EFCAB6: variants seen among roughly 807,000 people sequenced by gnomAD.
EFCAB6 encodes EF-hand calcium-binding domain-containing protein 6.
In EFCAB6, 156 loss-of-function variants were observed where a neutral mutation model predicts 169.8. The observed-to-expected ratio is 0.92, with a 90% confidence interval of 0.81 to 1.05. The LOEUF (loss-of-function observed/expected upper bound fraction) is 1.05. Among genes scored for constraint, EFCAB6 ranks in the 50% least tolerant of loss-of-function variants. The probability of loss-of-function intolerance (pLI) is 0.00; values close to 1 mark genes in which losing one functional copy is unlikely to be tolerated. For synonymous variants in EFCAB6, 698 were observed against 676.4 expected (o/e 1.03, Z -0.50); for missense variants, 1,800 against 1,829.1 (o/e 0.98, Z 0.29).
chr22:43,786,642 A>G (rs1257118603), intron 2 of EFCAB6, among the ~76,000 whole-genome samples: 1 of 152,170 alleles, frequency 6.6e-6, no homozygotes, highest in Non-Finnish European at 1.5e-5. Context: ...TGAACCCAGG[A>G]GGCAGAGTTT....
chr22:43,534,461 CACAAAAAT>C (rs2047268923), intron 30 of EFCAB6, among the ~76,000 whole-genome samples: 1 of 152,052 alleles, frequency 6.6e-6, no homozygotes, highest in African/African-American at 2.4e-5. Flanking sequence ...ATCCCATCTC[CACAAAAAT>C]ACAAAAATTA....
intron 5 of EFCAB6, among the ~76,000 whole-genome samples, chr22:43,760,227 GA>G (rs869188953): frequency 1.0e-4 from 9 of 90,072 alleles, no homozygotes; most frequent in African/African-American, 2.4e-4. Context: ...AAAGAAAAAA[GA>G]AAAAAAAAGA....
At chr22:43,734,334 T>C (rs894824079) in intron 7 of EFCAB6, among the ~76,000 whole-genome samples, 4 of 152,240 alleles carry the variant, frequency 2.6e-5, no homozygotes, top group Non-Finnish European at 5.9e-5. Context: ...CTTTTGATCT[T>C]CTGTGTTTCT....
At chr22:43,535,784 C>T (rs7286735) in intron 29 of EFCAB6, 21,197 of 152,302 alleles carry the variant, frequency 0.14, 1,590 homozygotes, top group Middle Eastern at 0.19. Flanking sequence ...AAGCAGACTG[C>T]AGGCAAACGA....
intron 2 of EFCAB6, among the ~76,000 whole-genome samples, chr22:43,799,329 C>CCACACACACACACACACACACACA (rs112231545): frequency 6.8e-6 from 1 of 146,548 alleles, no homozygotes; most frequent in African/African-American, 2.5e-5. Context: ...GAATCTGTCT[C>CCACACACACACACACACACACACA]CACACACACA....
chr22:43,592,682 A>G (rs1472733588), intron 23 of EFCAB6, among the ~76,000 whole-genome samples: 4 of 152,174 alleles, frequency 2.6e-5, no homozygotes, highest in Non-Finnish European at 5.9e-5. Context: ...AACAAGACAG[A>G]GGCCAGAAGG....
At chr22:43,675,425 T>C (rs2057702556) in intron 13 of EFCAB6, among the ~76,000 whole-genome samples, 1 of 128,096 alleles carries the variant, frequency 7.8e-6, no homozygotes, top group Non-Finnish European at 1.6e-5. Flanking sequence ...TAATATATAA[T>C]ATAATATAGG....
At chr22:43,784,562 T>TATATATGTGTACATATACAC (rs1203881282) in intron 2 of EFCAB6, among the ~76,000 whole-genome samples, 1 of 77,084 alleles carries the variant, frequency 1.3e-5, no homozygotes. Context: ...TATATACACA[T>TATATATGTGTACATATACAC]ATATATGTGT....
chr22:43,722,306 C>T (rs1299670835), intron 8 of EFCAB6, among the ~76,000 whole-genome samples: 1 of 151,908 alleles, frequency 6.6e-6, no homozygotes, highest in Non-Finnish European at 1.5e-5. Context: ...GTGGGCAGAT[C>T]ACGAGGTCAA....
At chr22:43,601,266 T>A (rs2052504051) in intron 22 of EFCAB6, among the ~76,000 whole-genome samples, 1 of 152,208 alleles carries the variant, frequency 6.6e-6, no homozygotes, top group African/African-American at 2.4e-5. Context: ...GGTTTTTATC[T>A]CCCAACGTTA....
chr22:43,784,537 G>GTATATATACACATATATA lies in EFCAB6; in HGVS notation c.-7-2213_-7-2212insTATATATGTGTATATATA, dbSNP rs1356695966. ...TGTGTGTGTGTGTGTGTGTGTGTGT[G>GTATATATACACATATATA]TGTGTGTATATGTATATATACACAT... is the stretch of plus-strand genomic sequence containing the variant. On this transcript the variant is annotated intron_variant, in intron 2 of 31. Coordinates refer to ENST00000262726, the MANE Select transcript of EFCAB6 (RefSeq NM_022785.4). Among the ~76,000 whole-genome samples, 31 of 96,212 alleles carry GTATATATACACATATATA rather than the reference G, an allele frequency of 3.2e-4. 3 individuals are homozygous for GTATATATACACATATATA. The highest frequency in any genetic ancestry group is 5.3e-4 in the Non-Finnish European group (26 of 49,178). The allele number at this position is 96,212 out of a possible 152,430, so 63.1% of individuals were successfully genotyped here.
chr22:43,680,022 T>A (rs991269345), intron 12 of EFCAB6, among the ~76,000 whole-genome samples: 8 of 152,226 alleles, frequency 5.3e-5, no homozygotes, highest in Non-Finnish European at 2.9e-5. Context: ...TTATGGGTTA[T>A]ACTTTGGTGT....
In EFCAB6 at chr22:43,606,850, C is replaced by G. The variant is rs113636036; in HGVS notation, c.2681+1632G>C. ...CCTCCAATTGAAATGGAAACAAGTT[C>G]TGTCCCACCCTCAGAAACAGGCTCC... On this transcript the variant is annotated intron_variant, in intron 22 of 31. Transcript: ENST00000262726. Among the ~76,000 whole-genome samples, 568 of 152,346 alleles carry G rather than the reference C, an allele frequency of 3.7e-3. 8 individuals carry two copies. The highest frequency in any genetic ancestry group is 0.013 in the African/African-American group (535 of 41,590).
intron 6 of EFCAB6, among the ~76,000 whole-genome samples, chr22:43,754,078 T>C (rs971936469): frequency 3.3e-5 from 5 of 152,320 alleles, no homozygotes; most frequent in Admixed American, 3.3e-4. Flanking sequence ...AGGGGTGTAC[T>C]GATTTGTTCT....
At chr22:43,769,865 T>C (rs995162375) in intron 4 of EFCAB6, among the ~76,000 whole-genome samples, 3 of 151,792 alleles carry the variant, frequency 2.0e-5, no homozygotes, top group African/African-American at 7.3e-5. Flanking sequence ...AATTTTTTTT[T>C]TTTTTTTAGA....
In EFCAB6 at chr22:43,639,818, T is replaced by G. The variant is rs1266088488; in HGVS notation, c.1984-4602A>C. ...TTGTTCATATGATTGTGAGACACTA[T>G]TCTCTCTTTCTCTCTCTTTTAAAAA... On this transcript the variant is annotated intron_variant, in intron 17 of 31. Coordinates refer to ENST00000262726, the MANE Select transcript of EFCAB6 (RefSeq NM_022785.4). Among the ~76,000 whole-genome samples, 16 of 152,152 alleles carry G rather than the reference T, an allele frequency of 1.1e-4. 1 individual carries two copies. The highest frequency in any genetic ancestry group is 9.8e-4 in the Admixed American group (15 of 15,272).
At chr22:43,678,333 G>C (rs1053222449) in intron 12 of EFCAB6, among the ~76,000 whole-genome samples, 170 bp from the exon 13 acceptor site, 7 of 84,752 alleles carry the variant, frequency 8.3e-5, no homozygotes, top group African/African-American at 3.1e-4. Flanking sequence ...TGAGCACTGT[G>C]TGTGTGTGTG....
At chr22:43,638,885 A>T (rs1307892914) in intron 17 of EFCAB6, among the ~76,000 whole-genome samples, 1 of 151,218 alleles carries the variant, frequency 6.6e-6, no homozygotes, top group African/African-American at 2.4e-5. Flanking sequence ...TCCCGGGTTC[A>T]AGCTATTCTC....
rs1269099849 is a variant in EFCAB6 at position 43,572,435 on chromosome 22, G to C, written c.3420+3862C>G. 1.3e-5 allele frequency among the ~76,000 whole-genome samples: 2 copies of C among 152,142 alleles called. No homozygotes were observed. Among genetic ancestry groups the C allele is most frequent in the Non-Finnish European group, 2.9e-5 (2 of 68,032 alleles). On this transcript the variant is annotated intron_variant, in intron 26 of 31. Transcript: ENST00000262726. The surrounding 1 kb of genome is among the most constrained non-coding windows in gnomAD (Gnocchi z 4.0). ...TTCTCCACTTGCAGGTCCTTTAGGG[G>C]TATCTTGCTATAGCTCCTGAGCAGC...
Sources: gnomAD v4.1 joint callset for allele counts (sites outside exome capture counted in the v4.1 genomes callset) on GRCh38, gnomAD v4.1.1 for gene constraint, Gnocchi (gnomAD v3.1) non-coding constraint, MANE v1.5 for transcripts, NCBI Gene and HGNC (gene_info 2026-07-23, HGNC 2026-07-21) for gene names.